The following NCOA2 variants were observed in gnomAD, a reference collection of about 807,000 sequenced individuals.
The protein encoded by NCOA2 is class E basic helix-loop-helix protein 75.
In NCOA2, 21 loss-of-function variants were observed where a neutral mutation model predicts 145.1. That is an observed-to-expected ratio of 0.14 (90% CI 0.10 to 0.21). The LOEUF (loss-of-function observed/expected upper bound fraction) is 0.21. NCOA2 is among the 10% of genes least tolerant of loss of function. NCOA2 has a pLI of 1.00. For synonymous variants in NCOA2, 619 were observed against 637.5 expected (o/e 0.97, Z 0.44); for missense variants, 1,472 against 1,837.6 (o/e 0.80, Z 3.64).
chr8:70,443,826 C>T, the NCOA2 span, among the ~76,000 whole-genome samples: 2 of 152,198 alleles, frequency 1.3e-5, no homozygotes, highest in African/African-American at 4.8e-5. Context: ...CCTCTCTTCT[C>T]TGCCTCCCAA....
chr8:70,408,893 G>A, the NCOA2 span, among the ~76,000 whole-genome samples: 924 of 150,876 alleles, frequency 6.1e-3, 9 homozygotes, highest in African/African-American at 0.021. Context: ...CTTCCAGAGT[G>A]TTAGGATTAC....
intron 4 of NCOA2, among the ~76,000 whole-genome samples, chr8:70,203,751 T>C (rs1818160873): frequency 1.3e-5 from 2 of 152,182 alleles, no homozygotes; most frequent in African/African-American, 2.4e-5. Context: ...TTCTCAAAAA[T>C]TGGCATCATT....
intron 1 of NCOA2, among the ~76,000 whole-genome samples, chr8:70,372,337 A>G (rs1811294632): frequency 6.6e-6 from 1 of 152,236 alleles, no homozygotes; most frequent in Non-Finnish European, 1.5e-5. Flanking sequence ...TATAACTCTT[A>G]GTACAGAAAT....
intron 1 of NCOA2, among the ~76,000 whole-genome samples, chr8:70,399,350 A>T (rs1157985608): frequency 6.6e-6 from 1 of 152,236 alleles, no homozygotes; most frequent in Admixed American, 6.5e-5. Flanking sequence ...ATAGAGAGGT[A>T]AAATTAGCCT....
At chr8:70,124,132 A>G in intron 20 of NCOA2, 50 bp from the exon 21 acceptor site, 2 of 1,551,906 alleles carry the variant, frequency 1.3e-6, no homozygotes, top group Non-Finnish European at 1.8e-6. Flanking sequence ...GCTGGTATCC[A>G]GAGGCAGGCA....
intron 1 of NCOA2, among the ~76,000 whole-genome samples, chr8:70,335,122 C>CAAAAAAA (rs59460365): frequency 3.7e-4 from 11 of 29,464 alleles, no homozygotes; most frequent in South Asian, 2.8e-3. Context: ...GACTCCATCT[C>CAAAAAAA]AAAAAAAAAA....
intron 12 of NCOA2, among the ~76,000 whole-genome samples, chr8:70,147,126 G>GCA (rs1438594369): frequency 1.4e-5 from 2 of 141,006 alleles, no homozygotes; most frequent in African/African-American, 5.6e-5. Context: ...GCGCGCGCGC[G>GCA]CGTGTGTGTG....
intron 1 of NCOA2, among the ~76,000 whole-genome samples, chr8:70,374,631 C>T (rs1354350293): frequency 6.6e-6 from 1 of 151,664 alleles, no homozygotes; most frequent in African/African-American, 2.4e-5. Context: ...ATCCAGACCC[C>T]ATCTCTACGA....
At chr8:70,395,379 A>G (rs1374657076) in intron 1 of NCOA2, among the ~76,000 whole-genome samples, 1 of 152,226 alleles carries the variant, frequency 6.6e-6, no homozygotes, top group East Asian at 1.9e-4. Context: ...GCAGGACAGC[A>G]GAACCGCCTC....
rs146079103 is a variant in NCOA2, at chr8:70,300,519, C to T, written c.-76-3719G>A. On this transcript the variant is annotated intron_variant, in intron 1 of 22. Transcript: ENST00000452400. ...AACTAGCAGGTGGAGTAACACCTCA[C>T]GAGTCTGAGGCAAAAAGCAGTCAGG... Among the ~76,000 whole-genome samples, 583 of 152,210 alleles carry T rather than the reference C, an allele frequency of 3.8e-3. 18 individuals carry two copies. The highest frequency in any genetic ancestry group is 0.037 in the Admixed American group (562 of 15,292).
At chr8:70,247,651 G>T (rs1396359887) in intron 2 of NCOA2, among the ~76,000 whole-genome samples, 1 of 152,196 alleles carries the variant, frequency 6.6e-6, no homozygotes, top group Non-Finnish European at 1.5e-5. Context: ...TGCTCACAAG[G>T]TCATGAAACC....
chr8:70,357,047 A>G (rs1563800185), intron 1 of NCOA2, among the ~76,000 whole-genome samples: 1 of 152,108 alleles, frequency 6.6e-6, no homozygotes, highest in Non-Finnish European at 1.5e-5. Flanking sequence ...TCCACTACCT[A>G]TACATGAAGG....
upstream of NCOA2, among the ~76,000 whole-genome samples, chr8:70,404,796 C>G (rs1410794698): frequency 6.6e-6 from 1 of 152,012 alleles, no homozygotes; most frequent in Non-Finnish European, 1.5e-5. Flanking sequence ...ATGCGAGAAC[C>G]CCCATTTAAG....
At chr8:70,408,851 T>A in the NCOA2 span, among the ~76,000 whole-genome samples, 1 of 150,524 alleles carries the variant, frequency 6.6e-6, no homozygotes, top group African/African-American at 2.4e-5. Flanking sequence ...GATCTTGAAC[T>A]GCTGGGGCTG....
Position 70,128,458 on chromosome 8 carries a change from G to A in NCOA2, c.3656C>T (p.Thr1219Ile), listed in dbSNP as rs1455568080. Residue 1219 changes from threonine (T) to isoleucine (I), a missense_variant, in exon 18 of 23, where the codon ACT (threonine) becomes ATT (isoleucine). Thr to Ile is a moderately conservative substitution (Grantham distance 89, BLOSUM62 -1). Coordinates refer to ENST00000452400, the MANE Select transcript of NCOA2 (RefSeq NM_006540.4). ...CTGTGTTGGTACTCCAGGCCTCAGAGTCAAGTTCACATTGGAAACATTGCT... is the reference window on the plus strand; with the variant it reads ...CTGTGTTGGTACTCCAGGCCTCAGAATCAAGTTCACATTGGAAACATTGCT... Reference protein sequence around the residue: ...QISNVSNVNLTLRPGVPTQAP... With the variant: ...QISNVSNVNLILRPGVPTQAP... 1 of 1,612,892 alleles carries A rather than the reference G, an allele frequency of 6.2e-7. No individual in the cohort carries two copies. The highest frequency in any genetic ancestry group is 1.1e-5 in the South Asian group (1 of 90,770).
the NCOA2 span, among the ~76,000 whole-genome samples, chr8:70,421,715 C>T: frequency 1.3e-5 from 2 of 151,582 alleles, no homozygotes; most frequent in African/African-American, 4.9e-5. Flanking sequence ...CTGGTTCCTA[C>T]TTTGCTATTT....
At chr8:70,276,566 G>A (rs916791273) in intron 2 of NCOA2, among the ~76,000 whole-genome samples, 9 of 152,066 alleles carry the variant, frequency 5.9e-5, no homozygotes, top group African/African-American at 1.2e-4. Context: ...GTGATAGTAC[G>A]TTATCACTGA....
intron 2 of NCOA2, among the ~76,000 whole-genome samples, chr8:70,221,387 G>C (rs1439561472): frequency 2.0e-5 from 3 of 152,112 alleles, no homozygotes; most frequent in Non-Finnish European, 2.9e-5. Context: ...TTCTAAACTG[G>C]TAACAGTTTC....
chr8:70,147,319 T>C (rs1811213805), intron 12 of NCOA2, among the ~76,000 whole-genome samples: 1 of 152,178 alleles, frequency 6.6e-6, no homozygotes, highest in Non-Finnish European at 1.5e-5. Context: ...GTCTTTTGTT[T>C]TTCCTATTTC....
Sources: allele counts gnomAD v4.1 joint callset (sites outside exome capture counted in the v4.1 genomes callset), GRCh38; gene constraint gnomAD v4.1.1; transcripts MANE v1.5; gene names NCBI Gene and HGNC (gene_info 2026-07-23, HGNC 2026-07-21).